HIBCH: variants seen among roughly 807,000 people sequenced by gnomAD.
HIBCH encodes the protein 3-hydroxyisobutyryl-CoA hydrolase, mitochondrial.
HIBCH carries 50 observed loss-of-function variants against 58.2 expected under a neutral mutation model. The ratio of observed to expected loss-of-function variants is 0.86; its 90% confidence interval spans 0.68 to 1.09. The LOEUF (loss-of-function observed/expected upper bound fraction) is 1.09. Among genes scored for constraint, HIBCH ranks in the 50% least tolerant of loss-of-function variants. The pLI is 0.00. For synonymous variants in HIBCH, 151 were observed against 146.9 expected, an observed-to-expected ratio of 1.03 and a Z score of -0.20; for missense variants, 450 against 449.7, an observed-to-expected ratio of 1.00 and a Z score of -0.01.
In HIBCH at chr2:190,278,493, C is replaced by T. The variant is rs113138061; in HGVS notation, c.438+9093G>A. ...TACTAGGATTACAGGCGTGAGCCGC[C>T]GTGCCCAGCCTAGAATCTGCTTTTT... On this transcript the variant is annotated intron_variant, in intron 6 of 13. Coordinates refer to ENST00000359678, the MANE Select transcript of HIBCH (RefSeq NM_014362.4). Among the ~76,000 whole-genome samples the T allele has an allele frequency of 5.8e-3, 876 of 152,286 alleles. 5 individuals are homozygous for T. The highest frequency in any genetic ancestry group is 0.02 in the African/African-American group (825 of 41,556).
intron 8 of HIBCH, 93 bp downstream of exon 8, chr2:190,252,069 A>G (rs2105941388): frequency 2.6e-6 from 3 of 1,157,960 alleles, no homozygotes; most frequent in Non-Finnish European, 3.9e-6. Flanking sequence ...TTTCACCAGA[A>G]GTCTGTGGCT....
At chr2:190,237,851 T>TGATG (rs1313089607) in intron 11 of HIBCH, among the ~76,000 whole-genome samples, 3 of 151,682 alleles carry the variant, frequency 2.0e-5, no homozygotes, top group Non-Finnish European at 4.4e-5. Context: ...CCCCAGTGTG[T>TGATG]GATGTTCCCC....
At chr2:190,288,092 G>A (rs1687874855) in intron 5 of HIBCH, among the ~76,000 whole-genome samples, 2 of 150,948 alleles carry the variant, frequency 1.3e-5, no homozygotes, top group Admixed American at 1.3e-4. Context: ...ACAGGAGGTT[G>A]AGGCTGCAGT....
At chr2:190,301,758 C>T (rs1230591560) in intron 2 of HIBCH, among the ~76,000 whole-genome samples, 1 of 152,134 alleles carries the variant, frequency 6.6e-6, no homozygotes, top group African/African-American at 2.4e-5. Flanking sequence ...AGTTCAAGTT[C>T]GAGATTCAGT....
At chr2:190,200,247 T>G (rs996021931), downstream of HIBCH, 9 of 938,956 alleles carry the variant, frequency 9.6e-6, no homozygotes, top group Admixed American at 6.4e-5. Context: ...ACTATCTGGA[T>G]TTAAAAATGT....
intron 6 of HIBCH, among the ~76,000 whole-genome samples, chr2:190,275,289 T>C (rs1014091046): frequency 1.3e-5 from 2 of 152,214 alleles, no homozygotes; most frequent in African/African-American, 2.4e-5. Context: ...TGGTACTACA[T>C]GTATGAAACA....
chr2:190,265,995 T>C (rs1687224572), intron 6 of HIBCH, among the ~76,000 whole-genome samples: 1 of 152,236 alleles, frequency 6.6e-6, no homozygotes. Context: ...TAAATCTTTT[T>C]TTTTTTGTAT....
intron 11 of HIBCH, among the ~76,000 whole-genome samples, chr2:190,221,509 G>A (rs1685718835): frequency 6.6e-6 from 1 of 152,210 alleles, no homozygotes; most frequent in East Asian, 1.9e-4. Context: ...AAATTTTACA[G>A]ATGAGGAAAC....
rs55720128 is a variant in HIBCH at position 190,315,856 on chromosome 2, G to A, written c.35+3860C>T. Among the ~76,000 whole-genome samples the A allele has an allele frequency of 0.014, 2,162 of 152,148 alleles. 58 individuals carry two copies. Among genetic ancestry groups the A allele is most frequent in the African/African-American group, 0.049 (2,038 of 41,494 alleles). On this transcript the variant is annotated intron_variant, in intron 1 of 13. Transcript: ENST00000359678. This position sits in a 1 kb window ranked among gnomAD's most constrained non-coding sequence, Gnocchi z 5.4. ...AACCAGGAGAATATAGAAAAGACAG[G>A]GAAAGAAGCTAGCTGGTTTGCAGGA...
At chr2:190,259,582 AAATTT>A (rs1473743158) in intron 7 of HIBCH, among the ~76,000 whole-genome samples, 9 of 152,282 alleles carry the variant, frequency 5.9e-5, no homozygotes, top group African/African-American at 2.2e-4. Flanking sequence ...CTACTTGGTT[AAATTT>A]ATTTCTAAGT....
chr2:190,260,761 C>A (rs1463924548), intron 7 of HIBCH, among the ~76,000 whole-genome samples: 2 of 152,070 alleles, frequency 1.3e-5, no homozygotes, highest in Non-Finnish European at 2.9e-5. Flanking sequence ...TTTCCATATA[C>A]AAAATAAACT....
rs747967949 is a variant in HIBCH at position 190,290,479 on chromosome 2, G to C, written c.311C>G (p.Ser104Trp). ...FCAGGDIRVI[S>W]EAEKAKQKIA... ...CTTCTGTTTTGCCTTTTCAGCTTCCGAGATCACTAGGAAGGAAAGATTACA... is the reference window on the plus strand; with the variant it reads ...CTTCTGTTTTGCCTTTTCAGCTTCCCAGATCACTAGGAAGGAAAGATTACA... Residue 104 changes from serine to tryptophan, a missense_variant, in exon 5 of 14, where the codon TCG becomes TGG. Transcript: ENST00000359678. 23 of 1,594,336 alleles carry C rather than the reference G, an allele frequency of 1.4e-5. No homozygotes were observed. Among genetic ancestry groups the C allele is most frequent in the Non-Finnish European group, 1.6e-5 (19 of 1,163,758 alleles).
chr2:190,293,493 C>T lies in HIBCH; in HGVS notation c.304+1053G>A, dbSNP rs559581532. Among the ~76,000 whole-genome samples, 20 of 151,994 alleles carry T rather than the reference C, an allele frequency of 1.3e-4. No individual in the cohort carries two copies. The South Asian group carries it at 2.7e-3, about 20-fold the overall frequency. ...ATAAATAAATAAAATAATAAAAAAA[C>T]GCATGTTGTAGGCAAAACAACAGAT... On this transcript the variant is annotated intron_variant, in intron 4 of 13. Transcript: ENST00000359678.
At chr2:190,252,141 T>C (rs567380026) in intron 8 of HIBCH, 21 bp downstream of exon 8, 12 of 1,612,120 alleles carry the variant, frequency 7.4e-6, no homozygotes, top group African/African-American at 2.7e-5. Flanking sequence ...CAATACAAAA[T>C]GCAAACATCT....
intron 11 of HIBCH, among the ~76,000 whole-genome samples, chr2:190,240,404 G>C (rs1025363822): frequency 2.0e-5 from 3 of 151,622 alleles, no homozygotes; most frequent in African/African-American, 7.3e-5. Context: ...TTATTAGTCT[G>C]GCTAGTGGTC....
In HIBCH at chr2:190,245,055, C is replaced by G. The variant is rs187705610; in HGVS notation, c.810-87G>C. On this transcript the variant is annotated intron_variant, in intron 10 of 13. Coordinates refer to ENST00000359678, the MANE Select transcript of HIBCH (RefSeq NM_014362.4). ...ATGAATCTGAACATAGGCTTTCCCCCACCTCTGTTTCAATAATGAAAAATT... is the reference window on the plus strand; with the variant it reads ...ATGAATCTGAACATAGGCTTTCCCCGACCTCTGTTTCAATAATGAAAAATT... 4.9e-4 allele frequency: 423 copies of G among 859,050 alleles called. 5 individuals carry two copies. The Admixed American group carries it at 7.1e-3, about 14-fold the overall frequency. 53.2% of individuals were successfully genotyped at this position (859,050 alleles called of 1,614,324 possible).
intron 6 of HIBCH, among the ~76,000 whole-genome samples, chr2:190,280,356 C>T (rs948390296): frequency 2.6e-5 from 4 of 152,120 alleles, no homozygotes; most frequent in Non-Finnish European, 5.9e-5. Flanking sequence ...GCTAGGCAGA[C>T]ATGAGCAGGG....
At chr2:190,303,204 T>C (rs1263931931) in intron 2 of HIBCH, among the ~76,000 whole-genome samples, 2 of 152,204 alleles carry the variant, frequency 1.3e-5, no homozygotes, top group African/African-American at 2.4e-5. Flanking sequence ...GGTAAGTACA[T>C]AGTGTATATG....
intron 11 of HIBCH, among the ~76,000 whole-genome samples, chr2:190,228,772 GTC>G (rs971323326): frequency 6.6e-6 from 1 of 152,080 alleles, no homozygotes; most frequent in African/African-American, 2.4e-5. Flanking sequence ...AAAATCAGTT[GTC>G]TCCTATTGTC....
Sources: gnomAD v4.1 joint callset for allele counts (sites outside exome capture counted in the v4.1 genomes callset) on GRCh38, gnomAD v4.1.1 for gene constraint, Gnocchi (gnomAD v3.1) non-coding constraint, MANE v1.5 for transcripts, NCBI Gene and HGNC (gene_info 2026-07-23, HGNC 2026-07-21) for gene names.